Variants in WDFY4 observed in about 807,000 individuals in gnomAD.
WDFY4 encodes WD repeat- and FYVE domain-containing protein 4.
WDFY4 carries 169 observed loss-of-function variants against 351.9 expected under a neutral mutation model. That is an observed-to-expected ratio of 0.48 (90% CI 0.42 to 0.55). WDFY4 has a LOEUF of 0.55. Among genes scored for constraint, WDFY4 ranks in the 20% least tolerant of loss-of-function variants. The pLI, the probability that WDFY4 is intolerant of heterozygous loss-of-function variation, is 0.00. For synonymous variants in WDFY4, 1,622 were observed against 1,574.6 expected, an observed-to-expected ratio of 1.03 and a Z score of -0.71; for missense variants, 3,803 against 3,935.6, an observed-to-expected ratio of 0.97 and a Z score of 0.90.
rs577914739 is a variant in WDFY4 at position 48,939,752 on chromosome 10, T to TTAGG, written c.7587-2052_7587-2049dup. Among the ~76,000 whole-genome samples, 54 of 152,338 alleles carry TTAGG rather than the reference T, an allele frequency of 3.5e-4. No individual in the cohort carries two copies. The East Asian group carries it at 8.5e-3, about 24-fold the overall frequency. ...TTTAAAAAATAGATCTCACCTTTGGTTAGGTGTCCTGGAACTGCTGGTAAT... is the reference window on the plus strand; with the variant it reads ...TTTAAAAAATAGATCTCACCTTTGGTTAGGTAGGTGTCCTGGAACTGCTGGTAAT... On this transcript the variant is annotated intron_variant, in intron 47 of 61. Transcript: ENST00000325239.
chr10:48,877,548 C>G (rs1411096546), intron 43 of WDFY4, among the ~76,000 whole-genome samples: 1 of 152,198 alleles, frequency 6.6e-6, no homozygotes, highest in Non-Finnish European at 1.5e-5. Context: ...CATCTTGGCC[C>G]CCTGTTTGTG....
rs1462025352 is a variant in WDFY4, at chr10:48,976,997, A to C, written c.9291+18A>C. On this transcript the variant is annotated intron_variant, in intron 59 of 61. Transcript: ENST00000325239. ...TGGTCCGGGTAGGTGTGTCTTGGGC[A>C]GAATGAGGACATGACACAAGAAACG... 3 of 1,367,754 alleles carry C rather than the reference A, an allele frequency of 2.2e-6. No homozygotes were observed. Among genetic ancestry groups the C allele is most frequent in the Non-Finnish European group, 2.9e-6 (3 of 1,046,978 alleles). The allele number at this position is 1,367,754 out of a possible 1,614,324, so 84.7% of individuals were successfully genotyped here.
intron 47 of WDFY4, among the ~76,000 whole-genome samples, chr10:48,940,714 A>G (rs1281619706): frequency 6.6e-6 from 1 of 151,918 alleles, no homozygotes; most frequent in African/African-American, 2.4e-5. Context: ...GGTAGAGGAG[A>G]GTCTTATGGA....
intron 1 of WDFY4, among the ~76,000 whole-genome samples, chr10:48,704,286 C>G (rs2063562970): frequency 6.6e-6 from 1 of 152,192 alleles, no homozygotes; most frequent in Non-Finnish European, 1.5e-5. Flanking sequence ...GACTCCCATC[C>G]TGGCCCCACT....
chr10:48,811,542 A>G lies in WDFY4; in HGVS notation c.5048A>G (p.Asn1683Ser), dbSNP rs1331947410. The change falls in exon 30 of 62, where the codon AAC (asparagine) becomes AGC (serine). Residue 1683 changes from asparagine (N) to serine (S), a missense_variant. This residue lies in a region of WDFY4 where 3,054 missense variants were observed against 3,148.6 expected (regional missense o/e 0.97). Coordinates refer to ENST00000325239, the MANE Select transcript of WDFY4 (RefSeq NM_001394531.1). Reference protein sequence around the residue: ...STEGVDIVMDNLKSQSPLPEQ... With the variant: ...STEGVDIVMDSLKSQSPLPEQ... ...GCCCCCTTTGCCTGATCAATAGACA[A>G]CCTGAAGAGCCAGTCACCACTGCCT... 6.4e-7 allele frequency: 1 copy of G among 1,552,106 alleles called. No individual in the cohort carries two copies. Among genetic ancestry groups the G allele is most frequent in the East Asian group, 2.4e-5 (1 of 40,918 alleles).
intron 30 of WDFY4, among the ~76,000 whole-genome samples, chr10:48,813,296 T>C (rs2067519677): frequency 6.6e-6 from 1 of 152,228 alleles, no homozygotes; most frequent in African/African-American, 2.4e-5. Flanking sequence ...AATAGCATTG[T>C]ATATTACACT....
intron 43 of WDFY4, among the ~76,000 whole-genome samples, chr10:48,882,248 AG>A (rs939071472): frequency 4.8e-4 from 73 of 152,318 alleles, no homozygotes; most frequent in Middle Eastern, 3.4e-3. Context: ...GGACTGGAGC[AG>A]GCTGCCACAA....
At position 48,822,621 on chromosome 10, in the gene WDFY4, GCC is replaced by G. The variant is rs769813502; in HGVS notation, c.5982+86_5982+87del. On this transcript the variant is annotated intron_variant, in intron 35 of 61. Transcript: ENST00000325239. ...TTGTCCAGTTGGTTCCACTGGATCTGCCCTCCCTCCCTGGAGTAGAATCTGAG... is the reference window on the plus strand; with the variant it reads ...TTGTCCAGTTGGTTCCACTGGATCTGCTCCCTCCCTGGAGTAGAATCTGAG... The G allele has an allele frequency of 4.5e-4, 611 of 1,358,118 alleles. 1 individual carries two copies. The highest frequency in any genetic ancestry group is 3.3e-3 in the Middle Eastern group (17 of 5,200). 84.1% of individuals were successfully genotyped at this position (1,358,118 alleles called of 1,614,324 possible).
chr10:48,745,520 G>T, intron 12 of WDFY4: 5 of 276,448 alleles, frequency 1.8e-5, no homozygotes, highest in African/African-American at 2.2e-5. Flanking sequence ...TTTTATTTTT[G>T]GAATAAACAG....
At chr10:48,766,382 G>A (rs1307017662) in intron 13 of WDFY4, among the ~76,000 whole-genome samples, 1 of 152,196 alleles carries the variant, frequency 6.6e-6, no homozygotes, top group African/African-American at 2.4e-5. Flanking sequence ...TTAGAAGCCA[G>A]AAGTTTGAAA....
chr10:48,709,667 C>A, intron 1 of WDFY4, 49 bp from the exon 2 acceptor site: 2 of 1,480,156 alleles, frequency 1.4e-6, no homozygotes, highest in Non-Finnish European at 1.8e-6. Context: ...CCAGAATCAT[C>A]AGGAAGTGAT....
At chr10:48,795,510 TATATATATATATACATATATATATACAC>T (rs1238329843) in intron 23 of WDFY4, among the ~76,000 whole-genome samples, 4 of 101,454 alleles carry the variant, frequency 3.9e-5, no homozygotes, top group East Asian at 6.1e-4. Context: ...TATATATATA[TATATATATATATACATATATATATACAC>T]ACACATGAAT....
At chr10:48,804,528 G>A (rs1453227241) in intron 25 of WDFY4, among the ~76,000 whole-genome samples, 1 of 146,306 alleles carries the variant, frequency 6.8e-6, no homozygotes, top group East Asian at 2.0e-4. Context: ...GTGTATCAGG[G>A]AGATGGAGCT....
At chr10:48,936,859 A>G (rs183969733) in intron 47 of WDFY4, among the ~76,000 whole-genome samples, 51 of 151,828 alleles carry the variant, frequency 3.4e-4, no homozygotes, top group Non-Finnish European at 7.2e-4. Context: ...AAAGAAAAAA[A>G]AAGAAAATTA....
At position 48,873,495 on chromosome 10, in the gene WDFY4, G is replaced by A. The variant is rs1372791225; in HGVS notation, c.6746G>A (p.Arg2249Gln). 22 of 1,548,410 alleles carry A rather than the reference G, an allele frequency of 1.4e-5. No homozygotes were observed. Among genetic ancestry groups the A allele is most frequent in the East Asian group, 7.3e-5 (3 of 40,910 alleles). ...ASLYKDHVQRRKCGNIKAANA... is the reference protein window; with the variant it reads ...ASLYKDHVQRQKCGNIKAANA... The stretch of plus-strand genomic sequence containing the variant: ...GACTCTGTTTCTGCTCCCCAGAGGC[G>A]AAAATGTGGCAACATCAAGGCAGCC... Residue 2249 changes from arginine (R) to glutamine (Q), a missense_variant, in exon 41 of 62, where the codon CGA becomes CAA. Physicochemically the swap from Arg to Gln is conservative, Grantham distance 43. This residue lies in a region of WDFY4 where 3,054 missense variants were observed against 3,148.6 expected (regional missense o/e 0.97). Transcript: ENST00000325239.
intron 1 of WDFY4, among the ~76,000 whole-genome samples, chr10:48,691,117 G>C (rs1308520328): frequency 6.6e-6 from 1 of 152,162 alleles, no homozygotes. Flanking sequence ...GATCCTCACT[G>C]GGTCCAGGCC....
intron 13 of WDFY4, among the ~76,000 whole-genome samples, chr10:48,773,046 G>A (rs889838534): frequency 6.6e-6 from 1 of 152,204 alleles, no homozygotes; most frequent in Non-Finnish European, 1.5e-5. Flanking sequence ...AGAAAAAAAT[G>A]CTCATCATCA....
Position 48,719,721 on chromosome 10 carries a change from C to T in WDFY4, c.235-290C>T, listed in dbSNP as rs150820087. 9.7e-3 allele frequency among the ~76,000 whole-genome samples: 1,474 copies of T among 152,242 alleles called. 18 individuals are homozygous for T. The highest frequency in any genetic ancestry group is 0.033 in the African/African-American group (1,361 of 41,530). ...GCAGGCACCTGGCAGGGCCATCCACCGACGCCAGATGCAGCAGGCTGTGGG... is the reference window on the plus strand; with the variant it reads ...GCAGGCACCTGGCAGGGCCATCCACTGACGCCAGATGCAGCAGGCTGTGGG... On this transcript the variant is annotated intron_variant, in intron 2 of 61. Coordinates refer to ENST00000325239, the MANE Select transcript of WDFY4 (RefSeq NM_001394531.1).
At chr10:48,741,625 C>T (rs557858882) in intron 11 of WDFY4, among the ~76,000 whole-genome samples, 36 of 152,200 alleles carry the variant, frequency 2.4e-4, no homozygotes, top group South Asian at 4.2e-4. Context: ...CTAACTTCCA[C>T]GTATCATACT....
Sources: gnomAD v4.1 joint callset for allele counts (sites outside exome capture counted in the v4.1 genomes callset) on GRCh38, gnomAD v4.1.1 for gene constraint, gnomAD v4.1.1 regional missense constraint, MANE v1.5 for transcripts, NCBI Gene and HGNC (gene_info 2026-07-23, HGNC 2026-07-21) for gene names.